FBXL17: variants seen among roughly 807,000 people sequenced by gnomAD.
FBXL17 encodes the protein F-box and leucine rich repeat protein 17.
A neutral mutation model predicts 66.2 loss-of-function variants in FBXL17; 22 were observed. The observed-to-expected ratio is 0.33, with a 90% CI of 0.24 to 0.47. FBXL17 has a LOEUF of 0.47. Ranked by LOEUF, FBXL17 falls within the 20% of genes least tolerant of loss-of-function variation. The pLI is 1.00. For missense variants in FBXL17, 878 were observed against 948.2 expected (o/e 0.93, Z 0.97); for synonymous variants, 474 against 400.5 (o/e 1.18, Z -2.19).
intron 7 of FBXL17, among the ~76,000 whole-genome samples, chr5:107,992,024 T>C (rs1753270464): frequency 6.6e-6 from 1 of 152,144 alleles, no homozygotes; most frequent in South Asian, 2.1e-4. Context: ...GGATTATGAC[T>C]TTTCCCTGTT....
intron 4 of FBXL17, among the ~76,000 whole-genome samples, chr5:108,292,426 A>G (rs1758152209): frequency 6.6e-6 from 1 of 152,010 alleles, no homozygotes; most frequent in East Asian, 1.9e-4. Flanking sequence ...TGGCCCCCCA[A>G]AAGCTTTTAT....
chr5:108,233,182 T>G (rs559733287), intron 4 of FBXL17, among the ~76,000 whole-genome samples: 1 of 114,982 alleles, frequency 8.7e-6, no homozygotes, highest in Admixed American at 9.5e-5. Flanking sequence ...TTCACAATTG[T>G]TTTTTTTGCA....
At chr5:107,889,216 C>G (rs1334085042) in intron 7 of FBXL17, among the ~76,000 whole-genome samples, 1 of 152,138 alleles carries the variant, frequency 6.6e-6, no homozygotes, top group Non-Finnish European at 1.5e-5. Context: ...CATAATTTTT[C>G]TATTATTAGA....
chr5:108,326,046 A>G (rs17161237), intron 4 of FBXL17, among the ~76,000 whole-genome samples: 181 of 152,314 alleles, frequency 1.2e-3, no homozygotes, highest in African/African-American at 4.3e-3. Flanking sequence ...AGGGTGGAAC[A>G]TGATAAACAA....
chr5:107,970,565 C>T (rs933177437), intron 7 of FBXL17, among the ~76,000 whole-genome samples: 8 of 152,186 alleles, frequency 5.3e-5, no homozygotes, highest in Non-Finnish European at 1.2e-4. Context: ...AAGGCCTGTT[C>T]TTTAGACCTA....
intron 5 of FBXL17, among the ~76,000 whole-genome samples, chr5:108,215,420 T>C (rs1754556852): frequency 6.6e-6 from 1 of 152,228 alleles, no homozygotes; most frequent in African/African-American, 2.4e-5. Context: ...GGTGTGAAGC[T>C]GTACCTCACT....
intron 4 of FBXL17, among the ~76,000 whole-genome samples, chr5:108,258,696 C>A (rs1039436316): frequency 6.6e-6 from 1 of 151,256 alleles, no homozygotes; most frequent in Non-Finnish European, 1.5e-5. Context: ...CTTTCCATTT[C>A]CTCAGTTTAA....
Position 108,252,849 on chromosome 5 carries a change from T to C in FBXL17, c.1507-28621A>G, listed in dbSNP as rs550762260. ...ACTGCTGCCATTCCTTATGCTCTAATTGAAAAATTCTCAAATTCTCATTAT... is the reference window on the plus strand; with the variant it reads ...ACTGCTGCCATTCCTTATGCTCTAACTGAAAAATTCTCAAATTCTCATTAT... On this transcript the variant is annotated intron_variant, in intron 4 of 8. Transcript: ENST00000542267. 3.9e-5 allele frequency among the ~76,000 whole-genome samples: 6 copies of C among 152,292 alleles called. No individual in the cohort carries two copies. In the East Asian group the frequency reaches 9.6e-4, roughly 24 times the overall value.
intron 6 of FBXL17, among the ~76,000 whole-genome samples, chr5:108,096,134 A>G (rs1320643344): frequency 6.6e-6 from 1 of 152,222 alleles, no homozygotes; most frequent in Non-Finnish European, 1.5e-5. Flanking sequence ...TTACTGCAAC[A>G]CAAAATACTC....
At chr5:107,888,497 C>A (rs757038980) in intron 7 of FBXL17, among the ~76,000 whole-genome samples, 2 of 152,154 alleles carry the variant, frequency 1.3e-5, no homozygotes, top group Non-Finnish European at 2.9e-5. Context: ...AGCACGCCTG[C>A]GGTCTTTCAT....
rs760028527 is a variant in FBXL17, at chr5:108,133,037, C to T, written c.1745+53080G>A. ...AAAGTGTGATAAATACCCACTCCAACGCATATTGGGAAACAATAATCGTCA... is the reference window on the plus strand; with the variant it reads ...AAAGTGTGATAAATACCCACTCCAATGCATATTGGGAAACAATAATCGTCA... On this transcript the variant is annotated intron_variant, in intron 6 of 8. Coordinates refer to ENST00000542267, the MANE Select transcript of FBXL17 (RefSeq NM_001163315.3). Among the ~76,000 whole-genome samples, 9 of 152,062 alleles carry T rather than the reference C, an allele frequency of 5.9e-5. No individual in the cohort carries two copies. In the East Asian group the frequency reaches 9.6e-4, roughly 16 times the overall value.
chr5:108,168,051 T>G (rs1184141888), intron 6 of FBXL17, among the ~76,000 whole-genome samples: 1 of 152,178 alleles, frequency 6.6e-6, no homozygotes, highest in Non-Finnish European at 1.5e-5. Flanking sequence ...CACATCTGAA[T>G]CCCAAAGTTA....
At chr5:108,286,513 C>T (rs1249105552) in intron 4 of FBXL17, among the ~76,000 whole-genome samples, 1 of 151,744 alleles carries the variant, frequency 6.6e-6, no homozygotes, top group African/African-American at 2.4e-5. Flanking sequence ...AAGCTGAGAG[C>T]CAAATCAAGA....
chr5:107,869,466 T>A (rs1170525305), intron 8 of FBXL17, among the ~76,000 whole-genome samples: 3 of 152,142 alleles, frequency 2.0e-5, no homozygotes, highest in African/African-American at 7.2e-5. Flanking sequence ...CACCCCAAAT[T>A]TGCATGTAAA....
At chr5:108,374,954 ACTC>A (rs1217869783) in intron 1 of FBXL17, among the ~76,000 whole-genome samples, 7 of 152,108 alleles carry the variant, frequency 4.6e-5, no homozygotes, top group Non-Finnish European at 1.0e-4. Context: ...TAAAAAGAAA[ACTC>A]AATACAAACT....
At chr5:107,982,385 A>C (rs1752861437) in intron 7 of FBXL17, among the ~76,000 whole-genome samples, 1 of 152,188 alleles carries the variant, frequency 6.6e-6, no homozygotes. Flanking sequence ...AAAATCCTTC[A>C]ATATTCAGTA....
chr5:108,069,791 TA>T (rs768348428), intron 6 of FBXL17, among the ~76,000 whole-genome samples: 9 of 152,240 alleles, frequency 5.9e-5, no homozygotes, highest in Non-Finnish European at 1.2e-4. Flanking sequence ...TATATCTTTC[TA>T]ATTTCAAAAC....
intron 5 of FBXL17, among the ~76,000 whole-genome samples, chr5:108,222,885 G>A (rs1235542547): frequency 6.6e-6 from 1 of 151,770 alleles, no homozygotes; most frequent in African/African-American, 2.4e-5. Context: ...CGTTGGCCAG[G>A]CTGATTTCAG....
chr5:107,959,381 AACACAC>A (rs57041975), intron 7 of FBXL17, among the ~76,000 whole-genome samples: 10,748 of 147,860 alleles, frequency 0.073, 578 homozygotes, highest in East Asian at 0.31. Flanking sequence ...GGCTGCTATA[AACACAC>A]ACACACACAC....
Sources: allele counts gnomAD v4.1 joint callset (sites outside exome capture counted in the v4.1 genomes callset), GRCh38; gene constraint gnomAD v4.1.1; transcripts MANE v1.5; gene names NCBI Gene and HGNC (gene_info 2026-07-23, HGNC 2026-07-21).